GRM7: variants seen among roughly 807,000 people sequenced by gnomAD.
GRM7 encodes the protein metabotropic glutamate receptor 7.
Under a neutral mutation model 84.5 loss-of-function variants are expected in GRM7, and 35 were observed. The ratio of observed to expected loss-of-function variants is 0.41; its 90% CI spans 0.32 to 0.55. The LOEUF (loss-of-function observed/expected upper bound fraction) is 0.55. GRM7 is among the 20% of genes least tolerant of loss of function. The probability of loss-of-function intolerance (pLI) is 0.19; values close to 1 mark genes in which losing one functional copy is unlikely to be tolerated. For synonymous variants in GRM7, 487 were observed against 455.1 expected, an observed-to-expected ratio of 1.07 and a Z score of -0.89; for missense variants, 1,003 against 1,194.6, an observed-to-expected ratio of 0.84 and a Z score of 2.36.
chr3:7,659,099 G>T (rs986951560), intron 8 of GRM7, among the ~76,000 whole-genome samples: 1 of 152,296 alleles, frequency 6.6e-6, no homozygotes, highest in African/African-American at 2.4e-5. Context: ...CTGTTGAGCT[G>T]TCTCCCTTCA....
rs1187168816 is a variant in GRM7, at chr3:6,863,745, G to A, written c.519+1838G>A. ...TGAGAACCACTGGGGGCTGGGGTAGGTTACAGTGTTTTCCCTGTTAGCCTG... is the reference window on the plus strand; with the variant it reads ...TGAGAACCACTGGGGGCTGGGGTAGATTACAGTGTTTTCCCTGTTAGCCTG... On this transcript the variant is annotated intron_variant, in intron 1 of 9. Coordinates refer to ENST00000357716, the MANE Select transcript of GRM7 (RefSeq NM_000844.4). The surrounding 1 kb of genome is among the most constrained non-coding windows in gnomAD (Gnocchi z 4.8). Among the ~76,000 whole-genome samples the A allele has an allele frequency of 6.6e-6, 1 of 152,158 alleles. No homozygotes were observed. The highest frequency in any genetic ancestry group is 2.4e-5 in the African/African-American group (1 of 41,418).
At chr3:7,322,408 TATTTC>T (rs1477496278) in intron 4 of GRM7, among the ~76,000 whole-genome samples, 6 of 152,174 alleles carry the variant, frequency 3.9e-5, no homozygotes, top group East Asian at 3.9e-4. Flanking sequence ...GTATGTATCT[TATTTC>T]AGTAGTTTTT....
At chr3:7,316,062 A>G (rs994027215) in intron 4 of GRM7, among the ~76,000 whole-genome samples, 6 of 152,294 alleles carry the variant, frequency 3.9e-5, no homozygotes, top group Admixed American at 2.6e-4. Flanking sequence ...GAATTATCCA[A>G]GTATCTATCA....
At chr3:7,175,365 T>C (rs1277170141) in intron 2 of GRM7, among the ~76,000 whole-genome samples, 1 of 152,240 alleles carries the variant, frequency 6.6e-6, no homozygotes, top group Non-Finnish European at 1.5e-5. Context: ...TATTTATTCA[T>C]GTTTTAAGAT....
chr3:7,734,253 G>A (rs1424947800), intron 9 of GRM7, among the ~76,000 whole-genome samples: 1 of 126,918 alleles, frequency 7.9e-6, no homozygotes, highest in Non-Finnish European at 1.7e-5. Flanking sequence ...GGGGCGGGGG[G>A]GGGGTTTCCT....
At chr3:7,444,803 G>A (rs1249743121) in intron 5 of GRM7, among the ~76,000 whole-genome samples, 1 of 152,154 alleles carries the variant, frequency 6.6e-6, no homozygotes, top group Non-Finnish European at 1.5e-5. Context: ...AGTTTTAAGT[G>A]AAGATGAATA....
intron 9 of GRM7, among the ~76,000 whole-genome samples, chr3:7,713,393 C>G (rs889351440): frequency 6.6e-6 from 1 of 152,028 alleles, no homozygotes; most frequent in Admixed American, 6.6e-5. Context: ...CCGCCTCAGT[C>G]TCCCAAAGTG....
chr3:7,617,934 A>C (rs1697178291), intron 8 of GRM7, among the ~76,000 whole-genome samples: 1 of 152,156 alleles, frequency 6.6e-6, no homozygotes, highest in Non-Finnish European at 1.5e-5. Flanking sequence ...TAAAAGTGCC[A>C]GTCCTGGATT....
rs926679980 is a variant in GRM7, at chr3:6,861,763, G to C, written c.375G>C (p.Ala125=). ...AACAGTCGCTTACTTTCGTCCAGGC[G>C]CTCATCCAGAAGGACACCTCCGACG... is the stretch of plus-strand genomic sequence containing the variant. ...ALEQSLTFVQ[A]LIQKDTSDVR... Residue 125 remains alanine, a synonymous_variant, in exon 1 of 10, where the codon GCG becomes GCC. Transcript: ENST00000357716. The surrounding 1 kb of genome is among the most constrained non-coding windows in gnomAD (Gnocchi z 6.4). 2 of 1,614,070 alleles carry C rather than the reference G, an allele frequency of 1.2e-6. No individual in the cohort carries two copies. Among genetic ancestry groups the C allele is most frequent in the South Asian group, 1.1e-5 (1 of 91,096 alleles).
intron 4 of GRM7, among the ~76,000 whole-genome samples, chr3:7,346,263 C>T (rs968167250): frequency 1.3e-5 from 2 of 152,090 alleles, no homozygotes; most frequent in African/African-American, 4.8e-5. Context: ...TGGTTACCAG[C>T]TCACCAATTT....
Position 6,883,079 on chromosome 3 carries a change from G to T in GRM7, c.519+21172G>T, listed in dbSNP as rs541192213. On this transcript the variant is annotated intron_variant, in intron 1 of 9. Coordinates refer to ENST00000357716, the MANE Select transcript of GRM7 (RefSeq NM_000844.4). Reference sequence around the variant, plus strand: ...CACACTCTCTACAGTACCAGCATTAGCCATTTATTTCATTTGTGCCACTCT... The same window carrying T: ...CACACTCTCTACAGTACCAGCATTATCCATTTATTTCATTTGTGCCACTCT... Among the ~76,000 whole-genome samples the T allele has an allele frequency of 1.3e-4, 20 of 152,180 alleles. 1 individual carries two copies. The highest frequency in any genetic ancestry group is 7.2e-4 in the Admixed American group (11 of 15,274).
chr3:7,001,912 A>T (rs2201924), intron 1 of GRM7, among the ~76,000 whole-genome samples: 67,114 of 152,082 alleles, frequency 0.44, 16,791 homozygotes, highest in Non-Finnish European at 0.54. Flanking sequence ...ATGTGTGTGC[A>T]TGGACTCTTA....
intron 2 of GRM7, among the ~76,000 whole-genome samples, chr3:7,174,751 C>T (rs567395211): frequency 6.6e-6 from 1 of 152,202 alleles, no homozygotes; most frequent in Non-Finnish European, 1.5e-5. Flanking sequence ...TGGGTGAAAA[C>T]TAGTCATGTG....
At chr3:7,593,679 G>C (rs1357958366) in intron 8 of GRM7, among the ~76,000 whole-genome samples, 1 of 152,134 alleles carries the variant, frequency 6.6e-6, no homozygotes, top group East Asian at 1.9e-4. Context: ...ACAGACGCTG[G>C]AGTGTAGAGG....
chr3:7,232,946 G>A (rs964238936), intron 2 of GRM7, among the ~76,000 whole-genome samples: 1 of 152,058 alleles, frequency 6.6e-6, no homozygotes, highest in Non-Finnish European at 1.5e-5. Context: ...GTACTTATGG[G>A]TACCCTGAAG....
intron 9 of GRM7, among the ~76,000 whole-genome samples, chr3:7,726,169 G>A (rs1482467054): frequency 1.3e-5 from 2 of 152,030 alleles, no homozygotes; most frequent in African/African-American, 2.4e-5. Context: ...AGACAAAATG[G>A]GGGTATTAGA....
At chr3:7,280,180 G>A (rs960840437) in intron 2 of GRM7, among the ~76,000 whole-genome samples, 1 of 152,020 alleles carries the variant, frequency 6.6e-6, no homozygotes, top group Non-Finnish European at 1.5e-5. Flanking sequence ...TATTGTTTGG[G>A]GCAAACTTTA....
chr3:7,294,973 C>T (rs1464053498), intron 2 of GRM7, among the ~76,000 whole-genome samples: 2 of 152,120 alleles, frequency 1.3e-5, no homozygotes, highest in Non-Finnish European at 2.9e-5. Context: ...TTCGTTTTCT[C>T]AATGCTGTCT....
intron 1 of GRM7, among the ~76,000 whole-genome samples, chr3:7,110,738 G>T (rs531081463): frequency 6.0e-4 from 91 of 152,106 alleles, no homozygotes; most frequent in South Asian, 2.1e-4. Flanking sequence ...AGGTTGAAAG[G>T]CTCATGGATA....
Sources: allele counts gnomAD v4.1 joint callset (sites outside exome capture counted in the v4.1 genomes callset), GRCh38; gene constraint gnomAD v4.1.1; non-coding constraint Gnocchi (gnomAD v3.1); transcripts MANE v1.5; gene names NCBI Gene and HGNC (gene_info 2026-07-23, HGNC 2026-07-21).